The following CLTCL1 variants were observed in gnomAD, a reference collection of about 807,000 sequenced individuals.
The protein encoded by CLTCL1 is clathrin heavy chain like 1.
Under a neutral mutation model 190.0 loss-of-function variants are expected in CLTCL1, and 159 were observed. The observed-to-expected ratio is 0.84, with a 90% CI of 0.74 to 0.95. The LOEUF is 0.95. Ranked by LOEUF, CLTCL1 falls within the 40% of genes least tolerant of loss-of-function variation. CLTCL1 has a pLI of 0.00. For missense variants in CLTCL1, 1,878 were observed against 2,033.4 expected, an observed-to-expected ratio of 0.92 and a Z score of 1.47; for synonymous variants, 752 against 769.6, an observed-to-expected ratio of 0.98 and a Z score of 0.38.
rs868930304 is a variant in CLTCL1 at position 19,235,818 on chromosome 22, GA to G, written c.846del (p.His283IlefsTer5). The part of the protein sequence containing the change: ...VIYLITKYGY[L>X]HLYDLESGVC... ...ACGCCAGACTCTAGGTCGTACAGAT[GA>G]AGATAGCCATACTTTGTGATCAAGT... On this transcript the variant is annotated frameshift_variant, in exon 6 of 33. Transcript: ENST00000427926. LOFTEE classifies it high-confidence loss of function. 3.1e-6 allele frequency: 5 copies of G among 1,613,846 alleles called. No individual in the cohort carries two copies. The African/African-American group carries it at 6.7e-5, about 22-fold the overall frequency.
chr22:19,266,240 A>G (rs146425960), intron 2 of CLTCL1, among the ~76,000 whole-genome samples: 70 of 152,306 alleles, frequency 4.6e-4, no homozygotes, highest in African/African-American at 1.7e-3. Flanking sequence ...AAAATTAAGA[A>G]TGAAAGAGGG....
At chr22:19,256,601 G>A (rs962038789) in intron 2 of CLTCL1, among the ~76,000 whole-genome samples, 107 of 151,116 alleles carry the variant, frequency 7.1e-4, no homozygotes, top group Admixed American at 6.6e-4. Flanking sequence ...CAAGTGAGTC[G>A]CCTGCCTCAG....
chr22:19,180,823 G>A lies in CLTCL1; in HGVS notation c.4828-17C>T, dbSNP rs782793207. ...TTTGTCCACCTGCAAGGAGGCAAAA[G>A]CACGTGAGCACCCGCTTGACAGAGT... is the stretch of plus-strand genomic sequence containing the variant. On this transcript the variant is annotated splice_polypyrimidine_tract_variant and intron_variant, in intron 30 of 32. Coordinates refer to ENST00000427926, the MANE Select transcript of CLTCL1 (RefSeq NM_007098.4). The A allele has an allele frequency of 6.2e-7, 1 of 1,612,848 alleles. No homozygotes were observed. The highest frequency in any genetic ancestry group is 8.5e-7 in the Non-Finnish European group (1 of 1,179,016).
chr22:19,201,271 G>A, intron 23 of CLTCL1, 58 bp downstream of exon 23: 1 of 1,537,590 alleles, frequency 6.5e-7, no homozygotes. Flanking sequence ...GAACGCAAAG[G>A]ACACGGAGAG....
intron 1 of CLTCL1, among the ~76,000 whole-genome samples, chr22:19,282,255 G>A (rs1555987205): frequency 2.0e-5 from 3 of 151,920 alleles, no homozygotes; most frequent in African/African-American, 7.3e-5. Context: ...CTTCAACCCA[G>A]GAGGCGGAGG....
rs151299246 is a variant in CLTCL1 at position 19,284,878 on chromosome 22, C to T, written c.42+6722G>A. Among the ~76,000 whole-genome samples the T allele has an allele frequency of 3.6e-3, 552 of 151,900 alleles. 1 individual carries two copies. Among genetic ancestry groups the T allele is most frequent in the African/African-American group, 0.013 (523 of 41,386 alleles). ...CTGAAGCCAGGAGAATCGCTTGAAC[C>T]GGGGAGGCAGAGGCTGCAGTGAGCT... On this transcript the variant is annotated intron_variant, in intron 1 of 32. Coordinates refer to ENST00000427926, the MANE Select transcript of CLTCL1 (RefSeq NM_007098.4).
Position 19,222,802 on chromosome 22 carries a change from T to C in CLTCL1, c.2300A>G (p.Lys767Arg), listed in dbSNP as rs2085617458. The change falls in exon 15 of 33, where the codon AAG becomes AGG. Residue 767 changes from lysine (K) to arginine (R), a missense_variant. Transcript: ENST00000427926. ...GATGAGGGGAAGCTGGTCTGTGAGC[T>C]TGGCCTCCTGAGGATTAGAATGCAC... The part of the protein sequence containing the change: ...ERVKNFLKEA[K>R]LTDQLPLIIV... 5.0e-6 allele frequency: 8 copies of C among 1,597,216 alleles called. No individual in the cohort carries two copies. The highest frequency in any genetic ancestry group is 6.8e-6 in the Non-Finnish European group (8 of 1,171,968).
At chr22:19,222,516 CT>C (rs1555953156) in intron 15 of CLTCL1, among the ~76,000 whole-genome samples, 167 bp downstream of exon 15, 1 of 152,218 alleles carries the variant, frequency 6.6e-6, no homozygotes, top group Non-Finnish European at 1.5e-5. Context: ...GTTGTTTCAG[CT>C]GCCTGGACTG....
chr22:19,196,481 C>T lies in CLTCL1; in HGVS notation c.4041+8G>A. On this transcript the variant is annotated splice_region_variant and intron_variant, in intron 25 of 32. Coordinates refer to ENST00000427926, the MANE Select transcript of CLTCL1 (RefSeq NM_007098.4). ...CACGGCTGCCAGACTGCAAGGAGTACACGGTACCTTTGGGATGTTGACACG... is the reference window on the plus strand; with the variant it reads ...CACGGCTGCCAGACTGCAAGGAGTATACGGTACCTTTGGGATGTTGACACG... The T allele has an allele frequency of 6.2e-7, 1 of 1,614,064 alleles. No individual in the cohort carries two copies. Among genetic ancestry groups the T allele is most frequent in the Non-Finnish European group, 8.5e-7 (1 of 1,179,888 alleles).
chr22:19,186,334 C>T (rs1391694344), intron 29 of CLTCL1, among the ~76,000 whole-genome samples: 1 of 152,018 alleles, frequency 6.6e-6, no homozygotes, highest in Non-Finnish European at 1.5e-5. Context: ...TCCACCTCAC[C>T]CCCGCGGGGA....
intron 3 of CLTCL1, among the ~76,000 whole-genome samples, chr22:19,252,082 G>A (rs1214225990): frequency 2.0e-5 from 3 of 152,170 alleles, no homozygotes; most frequent in Admixed American, 6.5e-5. Context: ...CTCCTTCCCT[G>A]TTTGCGTATT....
intron 1 of CLTCL1, among the ~76,000 whole-genome samples, chr22:19,291,336 C>T (rs1555993392): frequency 6.6e-6 from 1 of 152,108 alleles, no homozygotes; most frequent in Non-Finnish European, 1.5e-5. Context: ...CTGAGCGGGG[C>T]GTCCCAGGGG....
In CLTCL1 at chr22:19,225,563, G is replaced by A. The variant is rs1220439302; in HGVS notation, c.2018C>T (p.Ala673Val). ...SVECLHAMLS[A>V]NIRQNLQLCV... ...CAGCTGAAGGTTCTGTCTGATGTTAGCAGACAGCATGGCATGCAGACACTC... is the reference window on the plus strand; with the variant it reads ...CAGCTGAAGGTTCTGTCTGATGTTAACAGACAGCATGGCATGCAGACACTC... Residue 673 changes from alanine (A) to valine (V), a missense_variant, in exon 13 of 33, where the codon GCT becomes GTT. Coordinates refer to ENST00000427926, the MANE Select transcript of CLTCL1 (RefSeq NM_007098.4). 1.9e-6 allele frequency: 3 copies of A among 1,586,762 alleles called. No individual in the cohort carries two copies. In the African/African-American group the frequency reaches 4.0e-5, roughly 21 times the overall value.
intron 27 of CLTCL1, among the ~76,000 whole-genome samples, chr22:19,190,523 C>A (rs2084457040): frequency 6.9e-6 from 1 of 144,934 alleles, no homozygotes; most frequent in Non-Finnish European, 1.5e-5. Flanking sequence ...TGCTTGAGGC[C>A]AGGAGTTCAA....
chr22:19,234,285 G>A (rs2086008279), intron 7 of CLTCL1, among the ~76,000 whole-genome samples: 2 of 152,228 alleles, frequency 1.3e-5, no homozygotes, highest in African/African-American at 2.4e-5. Context: ...AGGTACGTAT[G>A]CACACAAAGT....
At chr22:19,234,846 G>A (rs1361476158) in intron 6 of CLTCL1, 140 bp from the exon 7 acceptor site, 4 of 766,426 alleles carry the variant, frequency 5.2e-6, no homozygotes, top group Admixed American at 2.5e-5. Flanking sequence ...GGCCCTCACA[G>A]TGAAAGGAGG....
intron 3 of CLTCL1, among the ~76,000 whole-genome samples, chr22:19,250,315 T>C (rs1379113528): frequency 6.7e-6 from 1 of 150,266 alleles, no homozygotes; most frequent in Non-Finnish European, 1.5e-5. Context: ...ATCACTTTTC[T>C]GGGACTCATC....
At chr22:19,282,694 G>A (rs782729772) in intron 1 of CLTCL1, among the ~76,000 whole-genome samples, 3 of 151,786 alleles carry the variant, frequency 2.0e-5, no homozygotes, top group Non-Finnish European at 1.5e-5. Flanking sequence ...ATAGTACAAT[G>A]AGTGGGGAAC....
At chr22:19,271,127 ATAC>A (rs139601444) in intron 2 of CLTCL1, among the ~76,000 whole-genome samples, 1,769 of 152,202 alleles carry the variant, frequency 0.012, 32 homozygotes, top group African/African-American at 0.039. Context: ...TGCCGCACAG[ATAC>A]TAGATTAGCC....
Sources: allele counts gnomAD v4.1 joint callset (sites outside exome capture counted in the v4.1 genomes callset), GRCh38; gene constraint gnomAD v4.1.1; transcripts MANE v1.5; gene names NCBI Gene and HGNC (gene_info 2026-07-23, HGNC 2026-07-21).